ITGB2: variants seen among roughly 807,000 people sequenced by gnomAD.
The protein encoded by ITGB2 is integrin subunit beta 2.
ITGB2 carries 56 observed loss-of-function variants against 86.8 expected under a neutral mutation model. That is an observed-to-expected ratio of 0.65 (90% confidence interval 0.52 to 0.81). ITGB2 has a LOEUF of 0.81. Among genes scored for constraint, ITGB2 ranks in the 30% least tolerant of loss-of-function variants. The pLI, the probability that ITGB2 is intolerant of heterozygous loss-of-function variation, is 0.00. For missense variants in ITGB2, 948 were observed against 1,061.2 expected (o/e 0.89, Z 1.48); for synonymous variants, 457 against 450.4 (o/e 1.01, Z -0.19).
At chr21:44,916,081 C>G (rs556863065) in intron 1 of ITGB2, among the ~76,000 whole-genome samples, 2 of 152,164 alleles carry the variant, frequency 1.3e-5, no homozygotes, top group South Asian at 4.1e-4. Flanking sequence ...CACCACTAGG[C>G]CCAGCTAATT....
intron 1 of ITGB2, among the ~76,000 whole-genome samples, chr21:44,916,462 T>C (rs1011110665): frequency 6.6e-6 from 1 of 152,180 alleles, no homozygotes; most frequent in African/African-American, 2.4e-5. Flanking sequence ...CGGACACTCT[T>C]GCTGTGGACA....
chr21:44,893,413 G>T lies in ITGB2; in HGVS notation c.1215C>A (p.Ile405=), dbSNP rs145655011. 5 of 1,613,850 alleles carry T rather than the reference G, an allele frequency of 3.1e-6. No homozygotes were observed. The African/African-American group carries it at 6.7e-5, about 22-fold the overall frequency. ...QPRGDCDGVQ[I]NVPITFQVKV... ...TTGTGGCCAGGCTCACCGGGACATT[G>T]ATCTGCACGCCATCACAGTCACCTC... Residue 405 remains isoleucine, a synonymous_variant, in exon 10 of 16, where the codon ATC becomes ATA. Transcript: ENST00000652462.
intron 13 of ITGB2, 133 bp downstream of exon 13, chr21:44,889,143 C>G (rs1161179694): frequency 1.1e-6 from 1 of 873,004 alleles, no homozygotes; most frequent in Non-Finnish European, 1.8e-6. Context: ...GAGGGCCCCT[C>G]AGTCCAGACG....
Position 44,899,098 on chromosome 21 carries a change from G to T in ITGB2, c.962C>A (p.Ala321Glu), listed in dbSNP as rs749222328. 1.9e-6 allele frequency: 3 copies of T among 1,614,096 alleles called. No homozygotes were observed. Among genetic ancestry groups the T allele is most frequent in the Middle Eastern group, 1.6e-4 (1 of 6,062 alleles). The change falls in exon 8 of 16, where the codon GCG becomes GAG. Residue 321 changes from alanine (A) to glutamate (E), a missense_variant. Ala to Glu is a moderately radical substitution (Grantham distance 107, BLOSUM62 -1). Coordinates refer to ENST00000652462, the MANE Select transcript of ITGB2 (RefSeq NM_000211.5). ...GGTCTTCACCATCCTACTGGTCACCGCGAAGATGGGCTGGATGTTGTTTTC... is the reference window on the plus strand; with the variant it reads ...GGTCTTCACCATCCTACTGGTCACCTCGAAGATGGGCTGGATGTTGTTTTC... ...LAENNIQPIF[A>E]VTSRMVKTYE...
At chr21:44,905,716 GGGTTTTGTCCCCTGCTGCCCCCA>G (rs1320718742) in intron 4 of ITGB2, among the ~76,000 whole-genome samples, 1 of 152,140 alleles carries the variant, frequency 6.6e-6, no homozygotes, top group Non-Finnish European at 1.5e-5. Flanking sequence ...CACCAGGGTG[GGGTTTTGTCCCCTGCTGCCCCCA>G]GGGACACCTG....
chr21:44,903,515 C>T lies in ITGB2; in HGVS notation c.349G>A (p.Val117Met), dbSNP rs777688420. The T allele has an allele frequency of 6.2e-6, 10 of 1,613,938 alleles. No homozygotes were observed. The highest frequency in any genetic ancestry group is 1.7e-5 in the Admixed American group (1 of 60,000). ...TAGCCCTTGGCCCGCCGGAAGGTCA[C>T]GTTGAACGCTGCTGCCTGGCCTGCC... ...LRPGQAAAFN[V>M]TFRRAKGYPI... is the part of the protein sequence containing the mutation. Residue 117 changes from valine to methionine, a missense_variant, in exon 5 of 16, where the codon GTG becomes ATG. Physicochemically the swap from Val to Met is conservative, Grantham distance 21. Transcript: ENST00000652462.
intron 9 of ITGB2, chr21:44,894,004 C>CAGAGATGGGGCAG (rs963419458): frequency 2.8e-5 from 8 of 283,684 alleles, no homozygotes; most frequent in Non-Finnish European, 4.2e-5. Flanking sequence ...CAGAGAGAGA[C>CAGAGATGGGGCAG]AGACAGAGAG....
rs148134680 is a variant in ITGB2 at position 44,900,152 on chromosome 21, G to A, written c.897+168C>T. Among the ~76,000 whole-genome samples the A allele has an allele frequency of 2.1e-3, 316 of 152,346 alleles. 2 individuals are homozygous for A. The highest frequency in any genetic ancestry group is 7.4e-3 in the African/African-American group (307 of 41,592). Reference sequence around the variant, plus strand: ...CCAACCCTACCCTCCCCTGGCCTGAGGCCAGTCCGGGGAGACCCCACGCTG... The same window carrying A: ...CCAACCCTACCCTCCCCTGGCCTGAAGCCAGTCCGGGGAGACCCCACGCTG... On this transcript the variant is annotated intron_variant, in intron 7 of 15. Coordinates refer to ENST00000652462, the MANE Select transcript of ITGB2 (RefSeq NM_000211.5).
upstream of ITGB2, among the ~76,000 whole-genome samples, chr21:44,922,197 G>C (rs747813193): frequency 2.6e-5 from 4 of 152,134 alleles, no homozygotes; most frequent in Admixed American, 6.6e-5. Flanking sequence ...AAAACGCCTA[G>C]AGGACTGGGT....
Position 44,899,070 on chromosome 21 carries a change from G to A in ITGB2, c.990C>T (p.Tyr330=), listed in dbSNP as rs141157011. 1.0e-4 allele frequency: 162 copies of A among 1,612,790 alleles called. No homozygotes were observed. The highest frequency in any genetic ancestry group is 1.2e-4 in the Non-Finnish European group (143 of 1,178,794). The change falls in exon 8 of 16, where the codon TAC becomes TAT. Residue 330 remains tyrosine, a synonymous_variant. Coordinates refer to ENST00000652462, the MANE Select transcript of ITGB2 (RefSeq NM_000211.5). The part of the protein sequence containing the change: ...FAVTSRMVKT[Y]EKLTEIIPKS... ...CTCGGGACCCAACAGCACTCACCTC[G>A]TAGGTCTTCACCATCCTACTGGTCA...
At chr21:44,911,768 C>T (rs929800551) in intron 1 of ITGB2, among the ~76,000 whole-genome samples, 3 of 152,202 alleles carry the variant, frequency 2.0e-5, no homozygotes, top group Non-Finnish European at 2.9e-5. Flanking sequence ...GGCAAAATGA[C>T]GGAAGCAGGC....
In ITGB2 at chr21:44,888,870, C is replaced by T. The variant is rs758504990; in HGVS notation, c.1903G>A (p.Glu635Lys). ...CAGTTCTTCCCAAAGGGGCCCTTTT[C>T]GAACTTCAGGCACTCGGCGCAGGAG... ...YISCAECLKF[E>K]KGPFGKNCSA... The change falls in exon 14 of 16, where the codon GAA becomes AAA. Residue 635 changes from glutamate to lysine, a missense_variant. Glu to Lys is a moderately conservative substitution (Grantham distance 56). Coordinates refer to ENST00000652462, the MANE Select transcript of ITGB2 (RefSeq NM_000211.5). 3.4e-5 allele frequency: 55 copies of T among 1,607,616 alleles called. No individual in the cohort carries two copies. Among genetic ancestry groups the T allele is most frequent in the East Asian group, 1.8e-4 (8 of 44,884 alleles).
rs774084113 is a variant in ITGB2 at position 44,893,473 on chromosome 21, G to A, written c.1155C>T (p.Phe385=). ...TCCTGTGCGTCACTCCATTGCTGCAGAAGGAGTCGTAGGTGACTTTCAGGG... is the reference window on the plus strand; with the variant it reads ...TCCTGTGCGTCACTCCATTGCTGCAAAAGGAGTCGTAGGTGACTTTCAGGG... ...PDTLKVTYDS[F]CSNGVTHRNQ... Residue 385 remains phenylalanine, a synonymous_variant, in exon 10 of 16, where the codon TTC becomes TTT. Coordinates refer to ENST00000652462, the MANE Select transcript of ITGB2 (RefSeq NM_000211.5). The A allele has an allele frequency of 6.2e-7, 1 of 1,614,158 alleles. No individual in the cohort carries two copies. Among genetic ancestry groups the A allele is most frequent in the South Asian group, 1.1e-5 (1 of 91,080 alleles).
chr21:44,900,313 G>T lies in ITGB2; in HGVS notation c.897+7C>A. On this transcript the variant is annotated splice_region_variant and intron_variant, in intron 7 of 15. Coordinates refer to ENST00000652462, the MANE Select transcript of ITGB2 (RefSeq NM_000211.5). ...GCGGTGCCTGGGTGCCTGGGGTGGG[G>T]ACTTACGAATTCGTTGCTCCTCTTG... 1 of 1,614,194 alleles carries T rather than the reference G, an allele frequency of 6.2e-7. No homozygotes were observed. Among genetic ancestry groups the T allele is most frequent in the Non-Finnish European group, 8.5e-7 (1 of 1,180,008 alleles).
At chr21:44,924,460 A>G (rs2146575929), upstream of ITGB2, among the ~76,000 whole-genome samples, 1 of 152,256 alleles carries the variant, frequency 6.6e-6, no homozygotes, top group Middle Eastern at 3.4e-3. Flanking sequence ...AACAAACAAG[A>G]AAAAATCAAA....
At chr21:44,892,062 C>G in intron 10 of ITGB2, 66 bp from the exon 11 acceptor site, 1 of 1,519,124 alleles carries the variant, frequency 6.6e-7, no homozygotes, top group Admixed American at 1.8e-5. Flanking sequence ...AGCTCCCAAC[C>G]CTCACCTCCT....
At chr21:44,899,538 G>A (rs955776477) in intron 7 of ITGB2, among the ~76,000 whole-genome samples, 4 of 136,092 alleles carry the variant, frequency 2.9e-5, no homozygotes, top group East Asian at 2.3e-4. Context: ...CCCGAGTTCC[G>A]GGACCCGAGG....
At position 44,889,260 on chromosome 21, in the gene ITGB2, C is replaced by A; in HGVS notation, c.1877+16G>T. ...TGGGGATCCCTGCCCGCCCTGCCTG[C>A]TCCGCCTGCACTCACATGTACTTGC... On this transcript the variant is annotated intron_variant, in intron 13 of 15. Transcript: ENST00000652462. 1.2e-6 allele frequency: 2 copies of A among 1,611,464 alleles called. No homozygotes were observed. Among genetic ancestry groups the A allele is most frequent in the Middle Eastern group, 1.7e-4 (1 of 5,978 alleles).
In ITGB2 at chr21:44,890,194, A is replaced by T; in HGVS notation, c.1441T>A (p.Cys481Ser). 6.2e-7 allele frequency: 1 copy of T among 1,613,174 alleles called. No homozygotes were observed. ...RCDTGYIGKN[C>S]ECQTQGRSSQ... ...CTCCGGCCCTGTGTCTGGCACTCACAGTTTTTCCCAATGTAGCCAGTGTCA... is the reference window on the plus strand; with the variant it reads ...CTCCGGCCCTGTGTCTGGCACTCACTGTTTTTCCCAATGTAGCCAGTGTCA... The change falls in exon 12 of 16, where the codon TGT (cysteine) becomes AGT (serine). Residue 481 changes from cysteine (C) to serine (S), a missense_variant. Transcript: ENST00000652462.
Sources: allele counts gnomAD v4.1 joint callset (sites outside exome capture counted in the v4.1 genomes callset), GRCh38; gene constraint gnomAD v4.1.1; transcripts MANE v1.5; gene names NCBI Gene and HGNC (gene_info 2026-07-23, HGNC 2026-07-21).